DROSHA: variants seen among roughly 807,000 people sequenced by gnomAD.
The protein encoded by DROSHA is ribonuclease 3.
Under a neutral mutation model 181.9 loss-of-function variants are expected in DROSHA, and 56 were observed. The observed-to-expected ratio is 0.31, with a 90% confidence interval of 0.25 to 0.38. DROSHA has a LOEUF of 0.38. DROSHA is among the 10% of genes least tolerant of loss of function. The pLI is 1.00. For missense variants in DROSHA, 1,218 were observed against 1,743.5 expected (o/e 0.70, Z 5.37); for synonymous variants, 524 against 591.2 (o/e 0.89, Z 1.65).
intron 16 of DROSHA, among the ~76,000 whole-genome samples, chr5:31,474,152 A>G (rs1750085834): frequency 6.6e-6 from 1 of 152,248 alleles, no homozygotes; most frequent in African/African-American, 2.4e-5. Flanking sequence ...CTTCTAAAAA[A>G]TAATAATGAT....
intron 4 of DROSHA, among the ~76,000 whole-genome samples, chr5:31,528,380 C>T (rs1009611708): frequency 2.0e-5 from 3 of 152,140 alleles, no homozygotes; most frequent in Non-Finnish European, 4.4e-5. Context: ...ACCTTGCCCT[C>T]CAAGACAAAC....
intron 23 of DROSHA, among the ~76,000 whole-genome samples, chr5:31,444,086 C>T (rs926319661): frequency 6.6e-6 from 1 of 152,128 alleles, no homozygotes; most frequent in African/African-American, 2.4e-5. Flanking sequence ...GTTACATGGG[C>T]ACGACAGAGG....
intron 24 of DROSHA, 98 bp downstream of exon 24, chr5:31,437,141 G>A: frequency 7.9e-7 from 1 of 1,262,454 alleles, no homozygotes; most frequent in African/African-American, 1.5e-5. Context: ...GTGTATCAAT[G>A]CCTTATTTGG....
intron 23 of DROSHA, 49 bp from the exon 24 acceptor site, chr5:31,437,347 C>T: frequency 6.8e-7 from 1 of 1,480,592 alleles, no homozygotes; most frequent in Non-Finnish European, 9.1e-7. Flanking sequence ...TTAACACTCC[C>T]CCCCACCCAC....
At chr5:31,434,370 A>G (rs1744546530) in intron 25 of DROSHA, among the ~76,000 whole-genome samples, 1 of 152,250 alleles carries the variant, frequency 6.6e-6, no homozygotes, top group African/African-American at 2.4e-5. Context: ...ATCAGGAAGC[A>G]TTGTGACAAT....
chr5:31,524,582 T>C (rs1252837797), intron 5 of DROSHA, among the ~76,000 whole-genome samples: 2 of 152,150 alleles, frequency 1.3e-5, no homozygotes, highest in Admixed American at 1.3e-4. Flanking sequence ...ACAATTGATA[T>C]GTGTCTTTTA....
At chr5:31,407,020 A>C in intron 33 of DROSHA, 75 bp from the exon 34 acceptor site, 2 of 1,308,936 alleles carry the variant, frequency 1.5e-6, no homozygotes, top group Non-Finnish European at 1.1e-6. Context: ...TATGAGGAAA[A>C]CCATGTACTT....
rs554026778 is a variant in DROSHA, at chr5:31,473,287, T to C, written c.2072-1055A>G. On this transcript the variant is annotated intron_variant, in intron 16 of 35. Transcript: ENST00000344624. ...TGCACTAAACAAGTTTAATGTGAAT[T>C]GCTGTGGGCTAAGAACTTAAACAAG... 2.0e-5 allele frequency among the ~76,000 whole-genome samples: 3 copies of C among 152,284 alleles called. No individual in the cohort carries two copies. In the East Asian group the frequency reaches 5.8e-4, roughly 29 times the overall value.
At chr5:31,516,092 C>A (rs995536503) in intron 6 of DROSHA, among the ~76,000 whole-genome samples, 2 of 152,084 alleles carry the variant, frequency 1.3e-5, no homozygotes. Context: ...CCTGTCTCTA[C>A]AAGAAATACA....
chr5:31,402,834 C>T (rs1044340912), intron 35 of DROSHA, among the ~76,000 whole-genome samples: 5 of 152,234 alleles, frequency 3.3e-5, no homozygotes, highest in Non-Finnish European at 5.9e-5. Context: ...GATGGAATCT[C>T]GCTGGAGCGC....
rs1296282130 is a variant in DROSHA at position 31,464,345 on chromosome 5, T to C, written c.2467-2A>G. 6.2e-7 allele frequency: 1 copy of C among 1,612,450 alleles called. No homozygotes were observed. ...CTGCCGTATTTTTTGGAGGGCTTCC[T>C]AGAAAAGAATTCATTATGATGAGTA... On this transcript the variant is annotated splice_acceptor_variant, in intron 19 of 35. Transcript: ENST00000344624. LOFTEE classifies it high-confidence loss of function.
rs977113407 is a variant in DROSHA at position 31,470,598 on chromosome 5, G to A, written c.2241+1465C>T. ...ATCTATGCCACTGGCTCAAAAACAA[G>A]CAGTGAGAAAATCAAACGTTTGAGG... On this transcript the variant is annotated intron_variant, in intron 17 of 35. Coordinates refer to ENST00000344624, the MANE Select transcript of DROSHA (RefSeq NM_001382508.1). The surrounding 1 kb of genome is among the most constrained non-coding windows in gnomAD (Gnocchi z 4.0). Among the ~76,000 whole-genome samples the A allele has an allele frequency of 1.3e-5, 2 of 152,068 alleles. No homozygotes were observed. The highest frequency in any genetic ancestry group is 4.8e-5 in the African/African-American group (2 of 41,364).
chr5:31,422,718 T>C, intron 29 of DROSHA, 69 bp downstream of exon 29: 1 of 1,561,278 alleles, frequency 6.4e-7, no homozygotes, highest in East Asian at 2.3e-5. Context: ...TCGAAGGGCA[T>C]GCTCCAAAGG....
At chr5:31,476,336 G>C (rs1457493618) in intron 16 of DROSHA, among the ~76,000 whole-genome samples, 1 of 152,206 alleles carries the variant, frequency 6.6e-6, no homozygotes, top group African/African-American at 2.4e-5. Flanking sequence ...CTGCACTCCA[G>C]CCTGAGTGAC....
chr5:31,492,887 GGAC>G (rs1476257347), intron 13 of DROSHA, among the ~76,000 whole-genome samples: 1 of 152,168 alleles, frequency 6.6e-6, no homozygotes, highest in Non-Finnish European at 1.5e-5. Flanking sequence ...TTCTTTTGAA[GGAC>G]AACCAACCCA....
At chr5:31,448,483 T>G in intron 23 of DROSHA, 64 bp downstream of exon 23, 1 of 1,407,900 alleles carries the variant, frequency 7.1e-7, no homozygotes. Flanking sequence ...ATGCTTTAAA[T>G]GAGTAAACTG....
At chr5:31,431,483 A>T in intron 26 of DROSHA, 93 bp downstream of exon 26, 1 of 1,294,604 alleles carries the variant, frequency 7.7e-7, no homozygotes, top group Admixed American at 2.0e-5. Context: ...GGAACAAGTA[A>T]TTCTGTCCCA....
intron 22 of DROSHA, 39 bp downstream of exon 22, chr5:31,449,242 A>C (rs1746679018): frequency 6.2e-7 from 1 of 1,609,668 alleles, no homozygotes; most frequent in Non-Finnish European, 8.5e-7. Flanking sequence ...AACACAGGCC[A>C]AAATAGGAGA....
In DROSHA at chr5:31,483,482, C is replaced by T. The variant is rs548735812; in HGVS notation, c.2071+72G>A. 1.0e-4 allele frequency: 150 copies of T among 1,496,178 alleles called. No homozygotes were observed. The African/African-American group carries it at 1.9e-3, about 19-fold the overall frequency. 92.7% of individuals were successfully genotyped at this position (1,496,178 alleles called of 1,614,324 possible). ...AAGGTGGGAAAGTTGTCCCTGAAGA[C>T]TGAAAGGAAAATGGCAAGCTTATTT... is the stretch of plus-strand genomic sequence containing the variant. On this transcript the variant is annotated intron_variant, in intron 16 of 35. Transcript: ENST00000344624.
Sources: gnomAD v4.1 joint callset for allele counts (sites outside exome capture counted in the v4.1 genomes callset) on GRCh38, gnomAD v4.1.1 for gene constraint, Gnocchi (gnomAD v3.1) non-coding constraint, MANE v1.5 for transcripts, NCBI Gene and HGNC (gene_info 2026-07-23, HGNC 2026-07-21) for gene names.